CADM1: variants seen among roughly 807,000 people sequenced by gnomAD.
The protein encoded by CADM1 is cell adhesion molecule 1, also known as TSLC-1.
In CADM1, 15 loss-of-function variants were observed where a neutral mutation model predicts 53.1. The ratio of observed to expected loss-of-function variants is 0.28; its 90% CI spans 0.19 to 0.44. The LOEUF (loss-of-function observed/expected upper bound fraction) is 0.44, where lower values mean the gene tolerates loss of function less well. CADM1 is among the 20% of genes least tolerant of loss of function. The probability of loss-of-function intolerance (pLI) is 1.00; values close to 1 mark genes in which losing one functional copy is unlikely to be tolerated. For synonymous variants in CADM1, 281 were observed against 243.0 expected (o/e 1.16, Z -1.45); for missense variants, 434 against 611.3 (o/e 0.71, Z 3.06).
At chr11:115,460,700 C>G (rs1948776080) in intron 1 of CADM1, among the ~76,000 whole-genome samples, 1 of 151,920 alleles carries the variant, frequency 6.6e-6, no homozygotes, top group Non-Finnish European at 1.5e-5. Context: ...CTTTTCTCAG[C>G]TCTGGTGACA....
At chr11:115,280,144 T>G (rs534450164) in intron 1 of CADM1, among the ~76,000 whole-genome samples, 23 of 152,322 alleles carry the variant, frequency 1.5e-4, no homozygotes, top group Admixed American at 6.5e-4. Flanking sequence ...TTTCTGTGTT[T>G]CAAAAGTTAT....
chr11:115,241,464 G>A (rs1942226729), intron 1 of CADM1, among the ~76,000 whole-genome samples: 2 of 152,352 alleles, frequency 1.3e-5, no homozygotes, highest in South Asian at 4.1e-4. Flanking sequence ...GGTCAATTGG[G>A]AAGGGGAGAG....
chr11:115,470,099 T>C (rs971313818), intron 1 of CADM1, among the ~76,000 whole-genome samples: 1 of 152,208 alleles, frequency 6.6e-6, no homozygotes, highest in Admixed American at 6.5e-5. Flanking sequence ...ATAAAAATAA[T>C]AGTAATGCCT....
chr11:115,439,230 A>C (rs1021718464), intron 1 of CADM1, among the ~76,000 whole-genome samples: 1 of 152,200 alleles, frequency 6.6e-6, no homozygotes, highest in African/African-American at 2.4e-5. Context: ...AAAATGTAAA[A>C]GGGTAAGTGG....
intron 1 of CADM1, among the ~76,000 whole-genome samples, chr11:115,350,720 C>A (rs1011396282): frequency 6.6e-6 from 1 of 151,704 alleles, no homozygotes; most frequent in Non-Finnish European, 1.5e-5. Context: ...GAACTTAGCG[C>A]ATTAGCAATT....
chr11:115,496,709 A>T (rs1204470611), intron 1 of CADM1, among the ~76,000 whole-genome samples: 1 of 152,150 alleles, frequency 6.6e-6, no homozygotes, highest in Non-Finnish European at 1.5e-5. Flanking sequence ...TGTTAGCAAA[A>T]CACAGTTTGG....
chr11:115,307,359 T>C (rs1177870232), intron 1 of CADM1, among the ~76,000 whole-genome samples: 1 of 151,846 alleles, frequency 6.6e-6, no homozygotes, highest in Non-Finnish European at 1.5e-5. Context: ...TCAGAAAACA[T>C]GTTCCTCAAA....
chr11:115,184,596 GT>G (rs1939457127), intron 10 of CADM1, among the ~76,000 whole-genome samples: 2 of 152,228 alleles, frequency 1.3e-5, no homozygotes, highest in African/African-American at 4.8e-5. Context: ...TTCTTAGAAA[GT>G]GGACGAGAAG....
intron 1 of CADM1, among the ~76,000 whole-genome samples, chr11:115,394,873 G>A (rs939391734): frequency 3.3e-5 from 5 of 151,996 alleles, no homozygotes; most frequent in African/African-American, 1.2e-4. Flanking sequence ...AAAACAAAAC[G>A]CTAGAGATAA....
chr11:115,353,434 C>T (rs1022884979), intron 1 of CADM1, among the ~76,000 whole-genome samples: 4 of 152,172 alleles, frequency 2.6e-5, no homozygotes, highest in Non-Finnish European at 4.4e-5. Context: ...ATCTAAATAG[C>T]GGCATGTTGC....
At chr11:115,376,892 G>C (rs146122755) in intron 1 of CADM1, among the ~76,000 whole-genome samples, 3 of 152,220 alleles carry the variant, frequency 2.0e-5, no homozygotes, top group African/African-American at 7.2e-5. Context: ...GACTTTTAAG[G>C]TACTTAAATA....
intron 1 of CADM1, chr11:115,396,657 T>C (rs1947005587): frequency 6.6e-6 from 1 of 152,206 alleles, no homozygotes; most frequent in Non-Finnish European, 1.5e-5. Context: ...GAAGTCACAA[T>C]ACATCTGTGA....
At chr11:115,262,610 A>G (rs1345603420) in intron 1 of CADM1, among the ~76,000 whole-genome samples, 1 of 152,220 alleles carries the variant, frequency 6.6e-6, no homozygotes, top group African/African-American at 2.4e-5. Flanking sequence ...TGAACCAGGC[A>G]TTGCGTACCA....
intron 1 of CADM1, among the ~76,000 whole-genome samples, chr11:115,271,475 G>A (rs745659180): frequency 1.1e-4 from 16 of 152,206 alleles, no homozygotes; most frequent in African/African-American, 3.6e-4. Context: ...GTAGAGACAC[G>A]GTTTCACCGT....
At chr11:115,259,290 CTTTTTTTTTTTTTTT>C (rs71066411) in intron 1 of CADM1, among the ~76,000 whole-genome samples, 83 of 55,090 alleles carry the variant, frequency 1.5e-3, no homozygotes, top group African/African-American at 5.9e-3. Flanking sequence ...CCAGTCTTAA[CTTTTTTTTTTTTTTT>C]TTTTTTTTTT....
intron 1 of CADM1, among the ~76,000 whole-genome samples, chr11:115,443,108 G>A (rs927337520): frequency 2.0e-5 from 3 of 152,116 alleles, no homozygotes; most frequent in African/African-American, 4.8e-5. Context: ...AGCTAAAGTC[G>A]AGTAAATACA....
rs1422869341 is a variant in CADM1 at position 115,173,710 on chromosome 11, G to A, written c.*2764C>T. On this transcript the variant is annotated 3_prime_UTR_variant, in exon 12 of 12. Coordinates refer to ENST00000331581, the MANE Select transcript of CADM1 (RefSeq NM_001301043.2). ...TTTTCTTTTTTTTTTTGTAAAAATGGTATACATGAACCAATACAAAATGCG... is the reference window on the plus strand; with the variant it reads ...TTTTCTTTTTTTTTTTGTAAAAATGATATACATGAACCAATACAAAATGCG... 6 of 645,362 alleles carry A rather than the reference G, an allele frequency of 9.3e-6. No individual in the cohort carries two copies. The highest frequency in any genetic ancestry group is 1.2e-5 in the Non-Finnish European group (6 of 520,938). 40.0% of individuals were successfully genotyped at this position (645,362 alleles called of 1,614,324 possible).
At chr11:115,184,098 G>T (rs1244592441) in intron 10 of CADM1, among the ~76,000 whole-genome samples, 1 of 152,000 alleles carries the variant, frequency 6.6e-6, no homozygotes, top group African/African-American at 2.4e-5. Flanking sequence ...CTATTTCAGA[G>T]AAAGCTTAGT....
At chr11:115,298,919 C>T (rs1169484275) in intron 1 of CADM1, among the ~76,000 whole-genome samples, 1 of 152,082 alleles carries the variant, frequency 6.6e-6, no homozygotes, top group African/African-American at 2.4e-5. Flanking sequence ...ATATTATAGC[C>T]CACTCTCTGA....
Sources: allele counts gnomAD v4.1 joint callset (sites outside exome capture counted in the v4.1 genomes callset), GRCh38; gene constraint gnomAD v4.1.1; transcripts MANE v1.5; gene names NCBI Gene and HGNC (gene_info 2026-07-23, HGNC 2026-07-21).